Variants in PCDHGB4 observed in about 807,000 individuals in gnomAD.
PCDHGB4 encodes protocadherin gamma-B4.
In PCDHGB4, 38 loss-of-function variants were observed where a neutral mutation model predicts 60.5. That is an observed-to-expected ratio of 0.63 (90% CI 0.48 to 0.82). The LOEUF is 0.82. Among genes scored for constraint, PCDHGB4 ranks in the 40% least tolerant of loss-of-function variants. The pLI is 0.00. For synonymous variants in PCDHGB4, 456 were observed against 509.7 expected (o/e 0.89, Z 1.42); for missense variants, 1,109 against 1,209.6 (o/e 0.92, Z 1.23).
At position 141,421,681 on chromosome 5, in the gene PCDHGB4, C is replaced by T. The variant is rs750692137; in HGVS notation, c.2397+31400C>T. 4 of 1,613,858 alleles carry T rather than the reference C, an allele frequency of 2.5e-6. No homozygotes were observed. In the South Asian group the frequency reaches 4.4e-5, roughly 18 times the overall value. Reference sequence around the variant, plus strand: ...CAGTGAGCACGCAATTCCTGGGGCGCGATTTGCTCTTCCTAATGCTAGGGA... The same window carrying T: ...CAGTGAGCACGCAATTCCTGGGGCGTGATTTGCTCTTCCTAATGCTAGGGA... On this transcript the variant is annotated intron_variant, in intron 1 of 3. Coordinates refer to ENST00000519479, the MANE Select transcript of PCDHGB4 (RefSeq NM_003736.4).
intron 1 of PCDHGB4, chr5:141,421,164 A>G (rs1304650780): frequency 1.6e-6 from 2 of 1,286,298 alleles, no homozygotes; most frequent in African/African-American, 1.5e-5. Flanking sequence ...GACTTCATAG[A>G]TACATAAGCC....
rs1388057704 is a variant in PCDHGB4, at chr5:141,389,559, C to T, written c.1675C>T (p.Arg559Trp). The T allele has an allele frequency of 1.2e-6, 2 of 1,613,274 alleles. No homozygotes were observed. The highest frequency in any genetic ancestry group is 2.2e-5 in the East Asian group (1 of 44,876). Reference sequence around the variant, plus strand: ...GGACGACCGCAACGACAATGCGCCACGGGTGCTGTACCCCGCGCTGGGTCC... The same window carrying T: ...GGACGACCGCAACGACAATGCGCCATGGGTGCTGTACCCCGCGCTGGGTCC... ...LVDDRNDNAPRVLYPALGPDG... is the reference protein window; with the variant it reads ...LVDDRNDNAPWVLYPALGPDG... The change falls in exon 1 of 4, where the codon CGG becomes TGG. Residue 559 changes from arginine to tryptophan, a missense_variant. Transcript: ENST00000519479.
At chr5:141,441,871 G>A (rs1020432020) in intron 1 of PCDHGB4, 3 of 340,480 alleles carry the variant, frequency 8.8e-6, no homozygotes, top group Admixed American at 8.1e-5. Context: ...CGCGGAGCCT[G>A]GCTACCTGGT....
At chr5:141,510,898 T>C in intron 3 of PCDHGB4, 49 bp from the exon 4 acceptor site, 1 of 1,613,278 alleles carries the variant, frequency 6.2e-7, no homozygotes, top group Non-Finnish European at 8.5e-7. Context: ...ACAGTGACTG[T>C]TGAGGACCCT....
Position 141,459,075 on chromosome 5 carries a change from G to C in PCDHGB4, c.2398-35732G>C, listed in dbSNP as rs562572838. ...GTATAATTTATATAACATAAAATTT[G>C]CCTTTTAAAATTATACAGTGCAATG... On this transcript the variant is annotated intron_variant, in intron 1 of 3. Transcript: ENST00000519479. 4.6e-5 allele frequency among the ~76,000 whole-genome samples: 7 copies of C among 152,252 alleles called. No individual in the cohort carries two copies. The East Asian group carries it at 1.4e-3, about 29-fold the overall frequency.
At chr5:141,394,991 G>C (rs1282662717) in intron 1 of PCDHGB4, 1 of 1,614,012 alleles carries the variant, frequency 6.2e-7, no homozygotes, top group East Asian at 2.2e-5. Flanking sequence ...GCCTGCTCCA[G>C]GATTCCGGTG....
chr5:141,420,382 C>A, intron 1 of PCDHGB4: 1 of 1,300,530 alleles, frequency 7.7e-7, no homozygotes. Flanking sequence ...ATAGAGTTCG[C>A]AAAATATAGG....
intron 1 of PCDHGB4, among the ~76,000 whole-genome samples, chr5:141,469,599 A>G (rs2099206392): frequency 6.6e-6 from 1 of 152,192 alleles, no homozygotes; most frequent in Non-Finnish European, 1.5e-5. Flanking sequence ...ATAAAACAAA[A>G]TAAGTAAAAT....
intron 3 of PCDHGB4, 154 bp from the exon 4 acceptor site, chr5:141,510,793 G>GAGA: frequency 1.1e-6 from 1 of 935,078 alleles, no homozygotes; most frequent in Non-Finnish European, 1.3e-6. Context: ...CTCTTGTGAA[G>GAGA]AGAGACTACC....
intron 1 of PCDHGB4, chr5:141,420,440 C>G (rs1298244162): frequency 9.3e-7 from 1 of 1,076,214 alleles, no homozygotes; most frequent in Non-Finnish European, 1.2e-6. Context: ...AATTAAATGC[C>G]TCAGTCTTCC....
At position 141,486,783 on chromosome 5, in the gene PCDHGB4, C is replaced by A. The variant is rs905423670; in HGVS notation, c.2398-8024C>A. ...CAGACACTGCAGTTTGAGGTGCAGG[C>A]CCGGGATCGGGGCAACCCACCCCTT... On this transcript the variant is annotated intron_variant, in intron 1 of 3. Transcript: ENST00000519479. The surrounding 1 kb of genome is among the most constrained non-coding windows in gnomAD (Gnocchi z 5.0). 6.2e-7 allele frequency: 1 copy of A among 1,614,102 alleles called. No homozygotes were observed.
At chr5:141,393,177 G>T (rs1330463387) in intron 1 of PCDHGB4, 1 of 1,613,292 alleles carries the variant, frequency 6.2e-7, no homozygotes, top group Non-Finnish European at 8.5e-7. Context: ...GGTAGAAATA[G>T]AAATAATTGA....
intron 2 of PCDHGB4, among the ~76,000 whole-genome samples, chr5:141,499,984 G>A (rs1350203006): frequency 6.6e-6 from 1 of 151,872 alleles, no homozygotes; most frequent in East Asian, 1.9e-4. Context: ...CACCTTGCCC[G>A]GCCAGATGAT....
intron 1 of PCDHGB4, among the ~76,000 whole-genome samples, chr5:141,467,414 C>A (rs1410743140): frequency 6.6e-5 from 10 of 152,168 alleles, no homozygotes; most frequent in African/African-American, 1.2e-4. Flanking sequence ...CCTTTCCCCA[C>A]ACCTAGGTTA....
At chr5:141,427,087 A>G (rs1338132084) in intron 1 of PCDHGB4, 1 of 458,198 alleles carries the variant, frequency 2.2e-6, no homozygotes, top group Non-Finnish European at 4.4e-6. Flanking sequence ...ACTGACCAGG[A>G]TGAGGGTGTC....
chr5:141,408,897 T>C (rs1156707427), intron 1 of PCDHGB4: 1 of 1,613,118 alleles, frequency 6.2e-7, no homozygotes, highest in East Asian at 2.2e-5. Context: ...GAAATTTCTG[T>C]CAAGGATACC....
Position 141,485,263 on chromosome 5 carries a change from G to A in PCDHGB4, c.2398-9544G>A. 1 of 1,614,162 alleles carries A rather than the reference G, an allele frequency of 6.2e-7. No individual in the cohort carries two copies. On this transcript the variant is annotated intron_variant, in intron 1 of 3. Transcript: ENST00000519479. This position sits in a 1 kb window ranked among gnomAD's most constrained non-coding sequence, Gnocchi z 5.7. ...ACCACCTGGGTTACGTTTGTGGGCA[G>A]ATCCGCTACCCGGTCCCAGAGGAGT...
At chr5:141,408,851 G>C in intron 1 of PCDHGB4, 1 of 1,613,574 alleles carries the variant, frequency 6.2e-7, no homozygotes, top group Non-Finnish European at 8.5e-7. Flanking sequence ...TGCCTTGGAC[G>C]GAGGGGACCC....
chr5:141,403,333 C>A (rs376895778), intron 1 of PCDHGB4: 1 of 1,613,984 alleles, frequency 6.2e-7, no homozygotes, highest in South Asian at 1.1e-5. Flanking sequence ...CTGATATTAA[C>A]GACAGCGCCC....
Sources: allele counts gnomAD v4.1 joint callset (sites outside exome capture counted in the v4.1 genomes callset), GRCh38; gene constraint gnomAD v4.1.1; non-coding constraint Gnocchi (gnomAD v3.1); transcripts MANE v1.5; gene names NCBI Gene and HGNC (gene_info 2026-07-23, HGNC 2026-07-21).